The following ERG variants were observed in gnomAD, a reference collection of about 807,000 sequenced individuals.
ERG encodes the protein ETS transcription factor ERG, also known as transcriptional regulator ERG.
In ERG, 9 loss-of-function variants were observed where a neutral mutation model predicts 55.3. The observed-to-expected ratio is 0.16, with a 90% CI of 0.10 to 0.28. ERG has a LOEUF of 0.28. ERG is among the 10% of genes least tolerant of loss of function. The pLI, the probability that ERG is intolerant of heterozygous loss-of-function variation, is 1.00. For missense variants in ERG, 434 were observed against 631.6 expected, an observed-to-expected ratio of 0.69 and a Z score of 3.35; for synonymous variants, 223 against 237.3, an observed-to-expected ratio of 0.94 and a Z score of 0.55.
chr21:38,580,067 G>A (rs962756326), intron 1 of ERG, among the ~76,000 whole-genome samples: 5 of 151,844 alleles, frequency 3.3e-5, no homozygotes, highest in South Asian at 2.1e-4. Flanking sequence ...TGATCCACCC[G>A]CCTCGGCCTC....
intron 1 of ERG, among the ~76,000 whole-genome samples, chr21:38,577,889 C>A (rs1452647552): frequency 1.3e-5 from 2 of 152,330 alleles, no homozygotes; most frequent in Middle Eastern, 3.4e-3. Context: ...TGAAGCTCGT[C>A]CCCCTCCCCT....
chr21:38,653,738 C>T (rs951764688), intron 1 of ERG, among the ~76,000 whole-genome samples: 4 of 152,244 alleles, frequency 2.6e-5, no homozygotes, highest in Non-Finnish European at 5.9e-5. Flanking sequence ...CGTCTAATCT[C>T]TAGACGTGTC....
upstream of ERG, among the ~76,000 whole-genome samples, chr21:38,589,273 T>C (rs751104371): frequency 2.6e-5 from 4 of 152,144 alleles, no homozygotes; most frequent in Non-Finnish European, 1.5e-5. Context: ...CCACCAGCAA[T>C]GCCAAGGACA....
intron 3 of ERG, among the ~76,000 whole-genome samples, chr21:38,413,103 G>C (rs1989133234): frequency 2.0e-5 from 3 of 152,138 alleles, no homozygotes; most frequent in African/African-American, 7.2e-5. Flanking sequence ...CTTGCCCCTA[G>C]TTGACCTTTA....
At chr21:38,575,265 T>C (rs918389269) in intron 2 of ERG, among the ~76,000 whole-genome samples, 1 of 152,134 alleles carries the variant, frequency 6.6e-6, no homozygotes, top group African/African-American at 2.4e-5. Context: ...TTAGAAGAAT[T>C]TGGATGTGAT....
At chr21:38,515,084 CAA>C (rs1439181190) in intron 2 of ERG, among the ~76,000 whole-genome samples, 1 of 151,694 alleles carries the variant, frequency 6.6e-6, no homozygotes, top group Non-Finnish European at 1.5e-5. Flanking sequence ...AAAAGAAGAC[CAA>C]AATAAATGGA....
At chr21:38,572,753 G>T (rs978270285) in intron 2 of ERG, among the ~76,000 whole-genome samples, 7 of 152,066 alleles carry the variant, frequency 4.6e-5, no homozygotes, top group Admixed American at 1.3e-4. Context: ...AAAACTCTCA[G>T]TTATGATTTC....
chr21:38,526,862 A>T (rs1264398949), intron 2 of ERG, among the ~76,000 whole-genome samples: 1 of 152,198 alleles, frequency 6.6e-6, no homozygotes, highest in Non-Finnish European at 1.5e-5. Context: ...AAGCAGCAAA[A>T]GGAGGAAATT....
rs116502324 is a variant in ERG at position 38,568,836 on chromosome 21, C to T, written c.-41+6826G>A. On this transcript the variant is annotated intron_variant, in intron 2 of 8. Transcript: ENST00000398897. ...ACAGGTGAGTGGACCTATGAACCCC[C>T]AGCCTCATCAAGCACCCGAGGGTCA... Among the ~76,000 whole-genome samples, 754 of 152,326 alleles carry T rather than the reference C, an allele frequency of 4.9e-3. 10 individuals carry two copies. The highest frequency in any genetic ancestry group is 0.017 in the African/African-American group (717 of 41,576).
At chr21:38,370,401 T>C in the ERG span, among the ~76,000 whole-genome samples, 1 of 152,142 alleles carries the variant, frequency 6.6e-6, no homozygotes, top group African/African-American at 2.4e-5. Flanking sequence ...TTTAATGATA[T>C]ATTTTAATTT....
At chr21:38,529,763 G>T (rs1745516359) in intron 2 of ERG, among the ~76,000 whole-genome samples, 1 of 152,084 alleles carries the variant, frequency 6.6e-6, no homozygotes, top group African/African-American at 2.4e-5. Context: ...TCAGGAGTTT[G>T]AGACCAGCCT....
chr21:38,425,898 C>G (rs892900645), intron 2 of ERG, among the ~76,000 whole-genome samples: 1 of 152,240 alleles, frequency 6.6e-6, no homozygotes, highest in Non-Finnish European at 1.5e-5. Context: ...AAAGCCATAG[C>G]TGGGATGTGG....
chr21:38,627,535 G>C (rs1379286788), intron 1 of ERG, among the ~76,000 whole-genome samples: 2 of 152,088 alleles, frequency 1.3e-5, no homozygotes, highest in African/African-American at 2.4e-5. Context: ...AACATGCTTA[G>C]AGACATAGTA....
downstream of ERG, among the ~76,000 whole-genome samples, chr21:38,377,198 C>T (rs908003976): frequency 2.0e-5 from 3 of 152,210 alleles, no homozygotes; most frequent in Admixed American, 6.5e-5. Flanking sequence ...ATAGTGTATG[C>T]ACATTGTTTG....
chr21:38,454,511 CT>C (rs34950994), intron 1 of ERG, among the ~76,000 whole-genome samples: 8,886 of 152,260 alleles, frequency 0.058, 345 homozygotes, highest in South Asian at 0.11. Flanking sequence ...CTGCATTATC[CT>C]TTTTTGACTC....
chr21:38,588,599 A>G (rs1423586770), upstream of ERG, among the ~76,000 whole-genome samples: 2 of 152,172 alleles, frequency 1.3e-5, no homozygotes, highest in Admixed American at 1.3e-4. Flanking sequence ...AACCTCCCTC[A>G]GCCTCAGTTT....
At chr21:38,652,254 G>A (rs919926153) in intron 1 of ERG, among the ~76,000 whole-genome samples, 7 of 151,962 alleles carry the variant, frequency 4.6e-5, no homozygotes, top group East Asian at 3.9e-4. Flanking sequence ...TACCATTCCC[G>A]CCAATCCAGA....
At chr21:38,532,183 G>A (rs947483289) in intron 2 of ERG, among the ~76,000 whole-genome samples, 4 of 152,142 alleles carry the variant, frequency 2.6e-5, no homozygotes, top group African/African-American at 9.7e-5. Context: ...ACTCACAGGA[G>A]CAAACAGACA....
At chr21:38,487,008 G>T (rs1034045111) in intron 1 of ERG, among the ~76,000 whole-genome samples, 1 of 152,176 alleles carries the variant, frequency 6.6e-6, no homozygotes, top group Admixed American at 6.5e-5. Flanking sequence ...AGTGAAAGGC[G>T]TGGTGGGACA....
Sources: allele counts gnomAD v4.1 joint callset (sites outside exome capture counted in the v4.1 genomes callset), GRCh38; gene constraint gnomAD v4.1.1; transcripts MANE v1.5; gene names NCBI Gene and HGNC (gene_info 2026-07-23, HGNC 2026-07-21).